Variants in MROH2A observed in about 807,000 individuals in gnomAD.
MROH2A encodes maestro heat-like repeat-containing protein family member 2A.
In MROH2A, 174 loss-of-function variants were observed where a neutral mutation model predicts 200.4. The observed-to-expected ratio is 0.87, with a 90% CI of 0.77 to 0.98. MROH2A has a LOEUF of 0.98. Ranked by LOEUF, MROH2A falls within the 50% of genes least tolerant of loss-of-function variation. MROH2A has a pLI of 0.00. For synonymous variants in MROH2A, 829 were observed against 840.4 expected (o/e 0.99, Z 0.23); for missense variants, 2,045 against 2,139.6 (o/e 0.96, Z 0.87).
At chr2:233,788,769 C>G (rs747394499) in intron 3 of MROH2A, among the ~76,000 whole-genome samples, 2 of 151,624 alleles carry the variant, frequency 1.3e-5, no homozygotes, top group Non-Finnish European at 2.9e-5. Context: ...AACCCCGTCT[C>G]TACTAAAAAT....
chr2:233,824,292 T>C (rs1704158401), intron 35 of MROH2A, among the ~76,000 whole-genome samples: 2 of 151,950 alleles, frequency 1.3e-5, no homozygotes, highest in African/African-American at 4.8e-5. Flanking sequence ...CCATAGAATT[T>C]TCTTTTCTAT....
At chr2:233,829,963 C>G (rs1704608940) in intron 38 of MROH2A, among the ~76,000 whole-genome samples, 188 bp downstream of exon 38, 1 of 152,130 alleles carries the variant, frequency 6.6e-6, no homozygotes, top group Admixed American at 6.5e-5. Context: ...AGGAGAGAGG[C>G]CATCCGAGAT....
At chr2:233,777,523 A>G (rs1192631148), upstream of MROH2A, among the ~76,000 whole-genome samples, 1 of 152,230 alleles carries the variant, frequency 6.6e-6, no homozygotes, top group Non-Finnish European at 1.5e-5. Flanking sequence ...CAGGAATTTT[A>G]TGAGGAAGAA....
At chr2:233,794,543 CT>C in intron 8 of MROH2A, 37 bp downstream of exon 8, 1 of 1,180,284 alleles carries the variant, frequency 8.5e-7, no homozygotes, top group Non-Finnish European at 1.2e-6. Flanking sequence ...GGGCAGGAGG[CT>C]TAGGGAATTG....
upstream of MROH2A, among the ~76,000 whole-genome samples, chr2:233,776,251 A>C (rs28900412): frequency 1.1e-3 from 168 of 152,250 alleles, 1 homozygote; most frequent in African/African-American, 3.9e-3. Context: ...CCATAGAAGT[A>C]GTGGTGCAAC....
In MROH2A at chr2:233,795,994, C is replaced by T. The variant is rs938595519; in HGVS notation, c.1087C>T (p.Gln363Ter). The change falls in exon 10 of 42, where the codon CAG becomes TAG. Residue 363 changes from glutamine to a stop codon, truncating the protein, a stop_gained. Coordinates refer to ENST00000389758, the MANE Select transcript of MROH2A (RefSeq NM_001394639.1). LOFTEE classifies it high-confidence loss of function. ...GTGCAACAAGGCCCCGGCCCAGCATCAGTACAGCAGCCAGAATCTGATGGA... is the reference window on the plus strand; with the variant it reads ...GTGCAACAAGGCCCCGGCCCAGCATTAGTACAGCAGCCAGAATCTGATGGA... ...QVCNKAPAQH[Q>*]YSSQNLMEMV... is the part of the protein sequence containing the mutation. 12 of 1,550,496 alleles carry T rather than the reference C, an allele frequency of 7.7e-6. No individual in the cohort carries two copies. The African/African-American group carries it at 1.5e-4, about 19-fold the overall frequency.
At chr2:233,831,834 T>C (rs2124935900) in intron 39 of MROH2A, among the ~76,000 whole-genome samples, 1 of 152,360 alleles carries the variant, frequency 6.6e-6, no homozygotes, top group East Asian at 1.9e-4. Flanking sequence ...GTAATCAGTA[T>C]AAAAACTATT....
At chr2:233,831,137 C>A (rs1444384928) in intron 38 of MROH2A, among the ~76,000 whole-genome samples, 2 of 152,226 alleles carry the variant, frequency 1.3e-5, no homozygotes, top group Non-Finnish European at 2.9e-5. Flanking sequence ...GGCTGGGTCC[C>A]AGGCAGGGCT....
intron 35 of MROH2A, among the ~76,000 whole-genome samples, chr2:233,824,983 G>A (rs1704207033): frequency 6.6e-6 from 1 of 152,100 alleles, no homozygotes; most frequent in South Asian, 2.1e-4. Context: ...ATTTGTTTGT[G>A]TACTCTCTGG....
At chr2:233,788,805 G>A (rs949554775) in intron 3 of MROH2A, among the ~76,000 whole-genome samples, 1 of 152,030 alleles carries the variant, frequency 6.6e-6, no homozygotes, top group South Asian at 2.1e-4. Flanking sequence ...CGGGCGTGGT[G>A]GCGGGCGCCT....
chr2:233,823,144 C>A, intron 34 of MROH2A, 126 bp downstream of exon 34: 2 of 1,008,208 alleles, frequency 2.0e-6, no homozygotes, highest in African/African-American at 1.6e-5. Flanking sequence ...GGAACTGCCA[C>A]GCCAACCTGT....
At chr2:233,788,106 CA>C (rs1701475292) in intron 3 of MROH2A, among the ~76,000 whole-genome samples, 1 of 74,864 alleles carries the variant, frequency 1.3e-5, no homozygotes, top group South Asian at 3.7e-4. Context: ...ATTATATATA[CA>C]TATATATTAT....
At chr2:233,802,876 G>A (rs1204003777) in intron 15 of MROH2A, among the ~76,000 whole-genome samples, 1 of 152,218 alleles carries the variant, frequency 6.6e-6, no homozygotes, top group African/African-American at 2.4e-5. Context: ...GGCAGAGCCT[G>A]CTCTCTGACT....
In MROH2A at chr2:233,805,009, GC is replaced by G; in HGVS notation, c.1951del (p.Arg651GlufsTer16). On this transcript the variant is annotated frameshift_variant, in exon 19 of 42. Coordinates refer to ENST00000389758, the MANE Select transcript of MROH2A (RefSeq NM_001394639.1). LOFTEE classifies it high-confidence loss of function. ...AACGTCTTGTGCCTCCCCAGTTTCT[GC>G]GAAACTCCCTCAAGAAGACCCGGGG... ...AWEDKLIQFL[R>X]NSLKKTRGSS... is the part of the protein sequence containing the mutation. 6.5e-7 allele frequency: 1 copy of G among 1,548,526 alleles called. No individual in the cohort carries two copies. The highest frequency in any genetic ancestry group is 8.7e-7 in the Non-Finnish European group (1 of 1,145,506).
At chr2:233,831,043 T>C (rs995337496) in intron 38 of MROH2A, among the ~76,000 whole-genome samples, 9 of 152,156 alleles carry the variant, frequency 5.9e-5, no homozygotes, top group Non-Finnish European at 1.2e-4. Context: ...CACAGGCAGA[T>C]GCTGGTGGAC....
chr2:233,786,400 G>A (rs975341074), intron 3 of MROH2A, among the ~76,000 whole-genome samples: 4 of 152,148 alleles, frequency 2.6e-5, no homozygotes, highest in South Asian at 4.1e-4. Context: ...CTGTGCATGC[G>A]CACAGTGGGA....
Position 233,807,974 on chromosome 2 carries a change from C to A in MROH2A, c.2295+119C>A. The stretch of plus-strand genomic sequence containing the variant: ...ACTTGCCTCACACGGAGTCTCCTGT[C>A]ATCAAAATGGCTGAGACATTGTCTT... On this transcript the variant is annotated intron_variant, in intron 21 of 41. Coordinates refer to ENST00000389758, the MANE Select transcript of MROH2A (RefSeq NM_001394639.1). This position sits in a 1 kb window ranked among gnomAD's most constrained non-coding sequence, Gnocchi z 4.3. 1.6e-6 allele frequency: 2 copies of A among 1,273,682 alleles called. No homozygotes were observed. The highest frequency in any genetic ancestry group is 1.5e-5 in the African/African-American group (1 of 67,382). The allele number at this position is 1,273,682 out of a possible 1,614,324, so 78.9% of individuals were successfully genotyped here. A position where few individuals can be genotyped will look rare whatever the true frequency, so the allele number is the denominator to read the frequency against.
chr2:233,804,399 A>G, intron 17 of MROH2A, 96 bp from the exon 18 acceptor site: 2 of 1,415,660 alleles, frequency 1.4e-6, no homozygotes. Context: ...GAGGGCCTCA[A>G]ATGCCACGCT....
At chr2:233,780,318 GT>G (rs1332177525) in intron 3 of MROH2A, among the ~76,000 whole-genome samples, 3 of 152,150 alleles carry the variant, frequency 2.0e-5, no homozygotes, top group African/African-American at 7.2e-5. Flanking sequence ...CTAGACAAGG[GT>G]TTGGAACAGA....
Sources: allele counts gnomAD v4.1 joint callset (sites outside exome capture counted in the v4.1 genomes callset), GRCh38; gene constraint gnomAD v4.1.1; non-coding constraint Gnocchi (gnomAD v3.1); transcripts MANE v1.5; gene names NCBI Gene and HGNC (gene_info 2026-07-23, HGNC 2026-07-21).